The following PPM1L variants were observed in gnomAD, a reference collection of about 807,000 sequenced individuals.
PPM1L encodes protein phosphatase 1L.
In PPM1L, 13 loss-of-function variants were observed where a neutral mutation model predicts 31.4. That is an observed-to-expected ratio of 0.41 (90% CI 0.27 to 0.66). The LOEUF is 0.66. PPM1L is among the 30% of genes least tolerant of loss of function. PPM1L has a pLI of 0.29. For missense variants in PPM1L, 326 were observed against 453.7 expected (o/e 0.72, Z 2.56); for synonymous variants, 184 against 175.4 (o/e 1.05, Z -0.39).
chr3:160,861,586 C>T lies in PPM1L; in HGVS notation c.400-100150C>T, dbSNP rs117304952. On this transcript the variant is annotated intron_variant, in intron 1 of 3. Coordinates refer to ENST00000498165, the MANE Select transcript of PPM1L (RefSeq NM_139245.4). ...AGATTCAGTTTCCTAATCTGTATAG[C>T]GGGGGACAATAACAACCACCTAATA... Among the ~76,000 whole-genome samples, 62 of 152,126 alleles carry T rather than the reference C, an allele frequency of 4.1e-4. No homozygotes were observed. The East Asian group carries it at 6.0e-3, about 15-fold the overall frequency.
intron 1 of PPM1L, among the ~76,000 whole-genome samples, chr3:160,770,911 A>C (rs758806950): frequency 5.3e-5 from 8 of 152,132 alleles, no homozygotes; most frequent in Non-Finnish European, 7.4e-5. Context: ...TCTCATACTG[A>C]GTGAGGTTAG....
intron 1 of PPM1L, among the ~76,000 whole-genome samples, chr3:160,882,733 C>T (rs1467089843): frequency 6.6e-6 from 1 of 152,158 alleles, no homozygotes; most frequent in Non-Finnish European, 1.5e-5. Context: ...TCCCACTCAC[C>T]GTTGTTCCCA....
chr3:160,764,992 A>T (rs1211139173), intron 1 of PPM1L, among the ~76,000 whole-genome samples: 1 of 152,208 alleles, frequency 6.6e-6, no homozygotes, highest in Non-Finnish European at 1.5e-5. Flanking sequence ...GGATTTCTGG[A>T]TCAAAGGAAT....
intron 1 of PPM1L, among the ~76,000 whole-genome samples, chr3:160,795,791 T>G (rs560561596): frequency 6.6e-6 from 1 of 152,214 alleles, no homozygotes; most frequent in African/African-American, 2.4e-5. Flanking sequence ...TTATTCTTGT[T>G]TACCTTTTCA....
intron 1 of PPM1L, among the ~76,000 whole-genome samples, chr3:160,936,339 C>T (rs898237068): frequency 1.2e-4 from 18 of 152,252 alleles, no homozygotes; most frequent in Non-Finnish European, 1.6e-4. Flanking sequence ...GATCCACCCA[C>T]CTCGGCCTCC....
At chr3:160,852,344 G>C (rs1218107878) in intron 1 of PPM1L, among the ~76,000 whole-genome samples, 1 of 152,082 alleles carries the variant, frequency 6.6e-6, no homozygotes, top group Non-Finnish European at 1.5e-5. Flanking sequence ...CACTCCAAAA[G>C]CAATTAAGGA....
intron 1 of PPM1L, among the ~76,000 whole-genome samples, chr3:160,848,424 C>T (rs1220140801): frequency 6.6e-6 from 1 of 152,098 alleles, no homozygotes; most frequent in Non-Finnish European, 1.5e-5. Flanking sequence ...GCATTTGACA[C>T]TATTGTAACT....
At chr3:160,974,309 G>A (rs1030691575) in intron 2 of PPM1L, among the ~76,000 whole-genome samples, 2 of 151,702 alleles carry the variant, frequency 1.3e-5, no homozygotes, top group East Asian at 1.9e-4. Context: ...CTTTGCTATT[G>A]TGAATAATGC....
chr3:160,944,820 G>GTT (rs1559896972), intron 1 of PPM1L, among the ~76,000 whole-genome samples: 2 of 22,070 alleles, frequency 9.1e-5, no homozygotes, highest in Non-Finnish European at 1.4e-4. Flanking sequence ...ACATATATAT[G>GTT]TTATATATAA....
chr3:160,804,691 G>A lies in PPM1L; in HGVS notation c.399+47984G>A, dbSNP rs1348945753. On this transcript the variant is annotated intron_variant, in intron 1 of 3. Transcript: ENST00000498165. ...TCAAATGTTATAATTTCCTAATTTTGTTTATAGATAACTATGTTTGTGAAA... is the reference window on the plus strand; with the variant it reads ...TCAAATGTTATAATTTCCTAATTTTATTTATAGATAACTATGTTTGTGAAA... 2.0e-5 allele frequency among the ~76,000 whole-genome samples: 3 copies of A among 152,010 alleles called. No homozygotes were observed. The East Asian group carries it at 5.8e-4, about 29-fold the overall frequency.
chr3:160,821,415 T>C (rs1301725979), intron 1 of PPM1L, among the ~76,000 whole-genome samples: 1 of 152,092 alleles, frequency 6.6e-6, no homozygotes, highest in Non-Finnish European at 1.5e-5. Flanking sequence ...CCTAGTCATA[T>C]TTTTTAATTT....
rs376456201 is a variant in PPM1L at position 161,075,268 on chromosome 3, G to C, written c.*6111G>C. On this transcript the variant is annotated 3_prime_UTR_variant, in exon 4 of 4. Coordinates refer to ENST00000498165, the MANE Select transcript of PPM1L (RefSeq NM_139245.4). ...AAGCAAAGGCGGATGTAATAGTCAA[G>C]TATCAGGGAAAAACCCCTTTAGGAT... 16 of 152,300 alleles carry C rather than the reference G, an allele frequency of 1.1e-4. No homozygotes were observed. Among genetic ancestry groups the C allele is most frequent in the African/African-American group, 3.9e-4 (16 of 41,550 alleles). The allele number at this position is 152,300 out of a possible 1,614,324, so 9.4% of individuals were successfully genotyped here. A position where few individuals can be genotyped will look rare whatever the true frequency, so the allele number is the denominator to read the frequency against.
rs186864146 is a variant in PPM1L at position 161,063,888 on chromosome 3, A to G, written c.575-1515A>G. On this transcript the variant is annotated intron_variant, in intron 2 of 3. Coordinates refer to ENST00000498165, the MANE Select transcript of PPM1L (RefSeq NM_139245.4). ...TTTGCAGGGACGTGGATGAAGCTGG[A>G]AGCCATCATTCTCAGCAAAGTTACA... Among the ~76,000 whole-genome samples the G allele has an allele frequency of 4.2e-4, 64 of 152,356 alleles. 1 individual carries two copies. Among genetic ancestry groups the G allele is most frequent in the Admixed American group, 1.8e-3 (27 of 15,302 alleles).
Position 160,837,076 on chromosome 3 carries a change from T to C in PPM1L, c.399+80369T>C, listed in dbSNP as rs149794616. ...CCCCCCTGCTGTTATTTTCTTAACA[T>C]TTTTTCTTTAAATGGACCTACTTTA... On this transcript the variant is annotated intron_variant, in intron 1 of 3. Coordinates refer to ENST00000498165, the MANE Select transcript of PPM1L (RefSeq NM_139245.4). 6.7e-4 allele frequency among the ~76,000 whole-genome samples: 102 copies of C among 152,314 alleles called. 1 individual carries two copies. The East Asian group carries it at 0.013, about 20-fold the overall frequency.
At chr3:160,883,967 G>C (rs1402262579) in intron 1 of PPM1L, among the ~76,000 whole-genome samples, 1 of 151,948 alleles carries the variant, frequency 6.6e-6, no homozygotes, top group Non-Finnish European at 1.5e-5. Context: ...CTACTCTGGA[G>C]GCTGAGGTAG....
chr3:160,996,353 A>G (rs1402310813), intron 2 of PPM1L, among the ~76,000 whole-genome samples: 3 of 152,252 alleles, frequency 2.0e-5, no homozygotes, highest in Non-Finnish European at 4.4e-5. Flanking sequence ...TTTTAATAGC[A>G]GCACAATTCA....
At chr3:160,987,087 A>G (rs574821546) in intron 2 of PPM1L, among the ~76,000 whole-genome samples, 1 of 152,344 alleles carries the variant, frequency 6.6e-6, no homozygotes, top group East Asian at 1.9e-4. Context: ...TCAAGGGAGA[A>G]CAAAAGGTGT....
chr3:160,813,051 A>T (rs1257938355), intron 1 of PPM1L, among the ~76,000 whole-genome samples: 1 of 152,120 alleles, frequency 6.6e-6, no homozygotes, highest in Non-Finnish European at 1.5e-5. Flanking sequence ...TCTAGCAGGT[A>T]TTATTTTTTT....
In PPM1L at chr3:161,078,043, G is replaced by A. The variant is rs552350367; in HGVS notation, c.*8886G>A. 10 of 152,150 alleles carry A rather than the reference G, an allele frequency of 6.6e-5. No individual in the cohort carries two copies. The highest frequency in any genetic ancestry group is 1.0e-4 in the Non-Finnish European group (7 of 68,004). 9.4% of individuals were successfully genotyped at this position (152,150 alleles called of 1,614,324 possible). A position where few individuals can be genotyped will look rare whatever the true frequency, so the allele number is the denominator to read the frequency against. ...TACTAGGCAGTAAATGGTTAGAGAC[G>A]GTAAAGATCTGATTGTGATCAAAAG... On this transcript the variant is annotated 3_prime_UTR_variant, in exon 4 of 4. Coordinates refer to ENST00000498165, the MANE Select transcript of PPM1L (RefSeq NM_139245.4).
Sources: gnomAD v4.1 joint callset for allele counts (sites outside exome capture counted in the v4.1 genomes callset) on GRCh38, gnomAD v4.1.1 for gene constraint, MANE v1.5 for transcripts, NCBI Gene and HGNC (gene_info 2026-07-23, HGNC 2026-07-21) for gene names.